The following BLM variants were observed in gnomAD, a reference collection of about 807,000 sequenced individuals.
BLM encodes the protein BLM RecQ like helicase.
Under a neutral mutation model 135.3 loss-of-function variants are expected in BLM, and 95 were observed. That is an observed-to-expected ratio of 0.70 (90% CI 0.59 to 0.83). BLM has a LOEUF of 0.83. BLM is among the 40% of genes least tolerant of loss of function. The pLI is 0.00. For synonymous variants in BLM, 520 were observed against 589.2 expected (o/e 0.88, Z 1.70); for missense variants, 1,518 against 1,663.9 (o/e 0.91, Z 1.53).
chr15:90,771,352 T>C (rs996982344), intron 12 of BLM, among the ~76,000 whole-genome samples: 5 of 152,172 alleles, frequency 3.3e-5, no homozygotes, highest in African/African-American at 1.2e-4. Flanking sequence ...CCAGGCCTAC[T>C]GGCGTGCGCC....
chr15:90,756,314 A>G (rs971121516), intron 5 of BLM, among the ~76,000 whole-genome samples: 1 of 152,194 alleles, frequency 6.6e-6, no homozygotes, highest in African/African-American at 2.4e-5. Context: ...CATTTTAGCC[A>G]GGATGGTCTT....
At chr15:90,747,821 C>T (rs1895545899) in intron 2 of BLM, among the ~76,000 whole-genome samples, 2 of 151,842 alleles carry the variant, frequency 1.3e-5, no homozygotes, top group Non-Finnish European at 2.9e-5. Context: ...TTTGTTTTTT[C>T]TTTTGAGACG....
rs550500697 is a variant in BLM at position 90,752,942 on chromosome 15, C to G, written c.959+996C>G. On this transcript the variant is annotated intron_variant, in intron 4 of 21. Transcript: ENST00000355112. ...TGATACAATGAATGACAAATGGACT[C>G]AGATCCAGTGTAGTGCCTTCCCTGG... Among the ~76,000 whole-genome samples the G allele has an allele frequency of 1.8e-4, 28 of 152,352 alleles. No homozygotes were observed. In the South Asian group the frequency reaches 5.8e-3, roughly 32 times the overall value.
At chr15:90,777,115 CT>C (rs1417811931) in intron 12 of BLM, among the ~76,000 whole-genome samples, 5 of 150,532 alleles carry the variant, frequency 3.3e-5, no homozygotes, top group African/African-American at 1.2e-4. Flanking sequence ...GTAGCTGGGA[CT>C]ACAGGCACAT....
At chr15:90,739,194 G>GA (rs1262012160) in intron 1 of BLM, among the ~76,000 whole-genome samples, 2 of 152,120 alleles carry the variant, frequency 1.3e-5, no homozygotes, top group African/African-American at 4.8e-5. Flanking sequence ...ACAGGTTCAA[G>GA]ACCAGCCTGG....
At chr15:90,772,356 G>C (rs1364504969) in intron 12 of BLM, among the ~76,000 whole-genome samples, 1 of 152,128 alleles carries the variant, frequency 6.6e-6, no homozygotes, top group African/African-American at 2.4e-5. Flanking sequence ...CTTAAAATAT[G>C]AACTGGAAGA....
intron 20 of BLM, 149 bp from the exon 21 acceptor site, chr15:90,811,056 T>G: frequency 2.6e-6 from 2 of 766,598 alleles, no homozygotes; most frequent in East Asian, 2.6e-5. Flanking sequence ...AAAAAAGGTT[T>G]GGTTCTTGCT....
intron 1 of BLM, among the ~76,000 whole-genome samples, chr15:90,741,195 T>C (rs28364264): frequency 1.3e-5 from 2 of 152,312 alleles, no homozygotes; most frequent in South Asian, 2.1e-4. Context: ...AAAAACCTAG[T>C]GTACAATTCA....
intron 1 of BLM, among the ~76,000 whole-genome samples, chr15:90,720,094 C>G (rs1254762761): frequency 6.6e-6 from 1 of 152,046 alleles, no homozygotes. Context: ...TCTGGGAAGC[C>G]ATAGTCTTTT....
intron 1 of BLM, among the ~76,000 whole-genome samples, chr15:90,735,130 T>A (rs1895175139): frequency 6.6e-6 from 1 of 150,830 alleles, no homozygotes; most frequent in Non-Finnish European, 1.5e-5. Flanking sequence ...ATGTAAAACC[T>A]AGGTGAAGAA....
chr15:90,795,414 A>G (rs1460760751), intron 16 of BLM, among the ~76,000 whole-genome samples: 1 of 152,154 alleles, frequency 6.6e-6, no homozygotes, highest in Admixed American at 6.5e-5. Context: ...TGGTAGGTGG[A>G]GGCTGCAGTG....
At chr15:90,744,312 C>T (rs1036672455) in intron 1 of BLM, among the ~76,000 whole-genome samples, 1 of 152,160 alleles carries the variant, frequency 6.6e-6, no homozygotes, top group Non-Finnish European at 1.5e-5. Context: ...GAAAGACTCC[C>T]ACATTGTACA....
At position 90,749,666 on chromosome 15, in the gene BLM, A is replaced by T; in HGVS notation, c.398A>T (p.Asp133Val). 1 of 1,614,188 alleles carries T rather than the reference A, an allele frequency of 6.2e-7. No homozygotes were observed. The highest frequency in any genetic ancestry group is 8.5e-7 in the Non-Finnish European group (1 of 1,180,024). ...ACACCAACTGTAAAGAAATCCCGGG[A>T]TACTGCTCTCAAGAAATTAGAATTT... The part of the protein sequence containing the change: ...QNTPTVKKSR[D>V]TALKKLEFSS... Residue 133 changes from aspartate (D) to valine (V), a missense_variant, in exon 3 of 22, where the codon GAT (aspartate) becomes GTT (valine). Asp to Val is a radical substitution (Grantham distance 152, BLOSUM62 -3). Coordinates refer to ENST00000355112, the MANE Select transcript of BLM (RefSeq NM_000057.4).
intron 12 of BLM, among the ~76,000 whole-genome samples, chr15:90,772,006 T>C (rs1201112632): frequency 6.6e-6 from 1 of 152,184 alleles, no homozygotes; most frequent in Admixed American, 6.5e-5. Flanking sequence ...CACTCAGTAA[T>C]AATCAATAAA....
chr15:90,770,385 C>G (rs995666916), intron 12 of BLM, among the ~76,000 whole-genome samples: 1 of 152,108 alleles, frequency 6.6e-6, no homozygotes, highest in African/African-American at 2.4e-5. Context: ...ACTGTCTTAG[C>G]CAGGAGGGTC....
chr15:90,741,972 G>C (rs755993122), intron 1 of BLM, among the ~76,000 whole-genome samples: 1 of 152,072 alleles, frequency 6.6e-6, no homozygotes, highest in East Asian at 1.9e-4. Flanking sequence ...GTTTTATTAG[G>C]TGCCTTTTCA....
At chr15:90,813,252 T>C (rs887690591) in intron 21 of BLM, among the ~76,000 whole-genome samples, 4 of 152,224 alleles carry the variant, frequency 2.6e-5, no homozygotes, top group African/African-American at 7.2e-5. Context: ...GGCTCCCTTA[T>C]TTAATTTTCA....
At position 90,811,416 on chromosome 15, in the gene BLM, G is replaced by C. The variant is rs376445417; in HGVS notation, c.4076+10G>C. 1 of 1,613,536 alleles carries C rather than the reference G, an allele frequency of 6.2e-7. No homozygotes were observed. Among genetic ancestry groups the C allele is most frequent in the Non-Finnish European group, 8.5e-7 (1 of 1,179,532 alleles). ...GTTCCAAGGCAAAGGGGTATGTTTTGTGACATCTTTTTCAATATAGGGAAC... is the reference window on the plus strand; with the variant it reads ...GTTCCAAGGCAAAGGGGTATGTTTTCTGACATCTTTTTCAATATAGGGAAC... On this transcript the variant is annotated intron_variant, in intron 21 of 21. Coordinates refer to ENST00000355112, the MANE Select transcript of BLM (RefSeq NM_000057.4).
intron 16 of BLM, among the ~76,000 whole-genome samples, chr15:90,795,988 C>T (rs1897020175): frequency 6.6e-6 from 1 of 152,032 alleles, no homozygotes; most frequent in Admixed American, 6.6e-5. Context: ...GAGCAAAGGC[C>T]CTAAGGTGGG....
Sources: allele counts gnomAD v4.1 joint callset (sites outside exome capture counted in the v4.1 genomes callset), GRCh38; gene constraint gnomAD v4.1.1; transcripts MANE v1.5; gene names NCBI Gene and HGNC (gene_info 2026-07-23, HGNC 2026-07-21).